Variants in RALGPS1 observed in about 807,000 individuals in gnomAD.
The protein encoded by RALGPS1 is Ral GEF with PH domain and SH3 binding motif 1.
Under a neutral mutation model 78.8 loss-of-function variants are expected in RALGPS1, and 19 were observed. The ratio of observed to expected loss-of-function variants is 0.24; its 90% CI spans 0.17 to 0.35. The LOEUF (loss-of-function observed/expected upper bound fraction) is 0.35, where lower values mean the gene tolerates loss of function less well. Among genes scored for constraint, RALGPS1 ranks in the 10% least tolerant of loss-of-function variants. RALGPS1 has a pLI of 1.00. For synonymous variants in RALGPS1, 228 were observed against 256.3 expected (o/e 0.89, Z 1.06); for missense variants, 454 against 688.3 (o/e 0.66, Z 3.81).
intron 5 of RALGPS1, among the ~76,000 whole-genome samples, chr9:127,043,400 C>CAAAAA (rs34894330): frequency 7.3e-6 from 1 of 136,652 alleles, no homozygotes. Flanking sequence ...TGTGTATATG[C>CAAAAA]AAAAAAAAAA....
chr9:127,203,224 T>C (rs1320846842), intron 14 of RALGPS1, among the ~76,000 whole-genome samples: 1 of 152,262 alleles, frequency 6.6e-6, no homozygotes, highest in African/African-American at 2.4e-5. Flanking sequence ...TGAGTATTTC[T>C]GGTCTCCAGG....
Position 126,962,258 on chromosome 9 carries a change from G to A in RALGPS1, c.-32G>A. On this transcript the variant is annotated 5_prime_UTR_variant, in exon 2 of 19. Transcript: ENST00000259351. The stretch of plus-strand genomic sequence containing the variant: ...CAGACAGGTTATGTTACCTGCAGAG[G>A]CTGCCCTGAAGCTCCCTGTGGCCTG... 1 of 1,613,116 alleles carries A rather than the reference G, an allele frequency of 6.2e-7. No homozygotes were observed. Among genetic ancestry groups the A allele is most frequent in the Non-Finnish European group, 8.5e-7 (1 of 1,179,216 alleles).
chr9:127,007,967 G>A (rs1010094059), intron 4 of RALGPS1, among the ~76,000 whole-genome samples: 7 of 152,150 alleles, frequency 4.6e-5, no homozygotes, highest in Admixed American at 1.3e-4. Context: ...GGTGAAAGAC[G>A]ATGTGGTCTG....
intron 1 of RALGPS1, among the ~76,000 whole-genome samples, chr9:126,932,163 C>A (rs191197812): frequency 1.3e-5 from 2 of 152,258 alleles, no homozygotes; most frequent in East Asian, 3.9e-4. Context: ...GTCTCCCTGT[C>A]CTCATCTTGA....
At chr9:127,216,364 C>T (rs1715669060) in intron 18 of RALGPS1, among the ~76,000 whole-genome samples, 1 of 152,230 alleles carries the variant, frequency 6.6e-6, no homozygotes, top group Non-Finnish European at 1.5e-5. Flanking sequence ...TCCCTTGACT[C>T]ACCCATCTGA....
In RALGPS1 at chr9:127,069,277, G is replaced by A; in HGVS notation, c.531G>A (p.Leu177=). ...CTACCTTTGAGAAATTGGACTACCT[G>A]ATGTCGAAAGAAGATAATTACAAGC... ...DKTTFEKLDY[L]MSKEDNYKRT... is the part of the protein sequence containing the mutation. Residue 177 remains leucine (L), a synonymous_variant, in exon 8 of 19, where the codon CTG becomes CTA. Coordinates refer to ENST00000259351, the MANE Select transcript of RALGPS1 (RefSeq NM_014636.3). The A allele has an allele frequency of 6.2e-7, 1 of 1,612,962 alleles. No individual in the cohort carries two copies. Among genetic ancestry groups the A allele is most frequent in the Non-Finnish European group, 8.5e-7 (1 of 1,178,918 alleles).
At chr9:127,060,299 G>T (rs1564505254) in intron 7 of RALGPS1, among the ~76,000 whole-genome samples, 1 of 152,156 alleles carries the variant, frequency 6.6e-6, no homozygotes, top group Non-Finnish European at 1.5e-5. Flanking sequence ...GCAGCGAAGG[G>T]ATCTGAATAC....
At chr9:127,068,187 CT>C (rs1327309593) in intron 7 of RALGPS1, among the ~76,000 whole-genome samples, 1 of 152,164 alleles carries the variant, frequency 6.6e-6, no homozygotes, top group African/African-American at 2.4e-5. Context: ...AGAAGGTTAT[CT>C]TCTTTTGATT....
intron 1 of RALGPS1, among the ~76,000 whole-genome samples, chr9:126,921,246 AC>A (rs2034719429): frequency 6.6e-6 from 1 of 152,208 alleles, no homozygotes; most frequent in Non-Finnish European, 1.5e-5. Context: ...CTCTGAAGTC[AC>A]CAAGCGCTCA....
intron 7 of RALGPS1, among the ~76,000 whole-genome samples, chr9:127,055,008 AGAGAGAGAGAGAGAGAGAGAGAG>A (rs2048609205): frequency 2.1e-5 from 1 of 47,190 alleles, no homozygotes. Flanking sequence ...AGAGAGAGAG[AGAGAGAGAGAGAGAGAGAGAGAG>A]AGAGAGAGAA....
chr9:127,065,683 C>T (rs757610692), intron 7 of RALGPS1, among the ~76,000 whole-genome samples: 2 of 152,002 alleles, frequency 1.3e-5, no homozygotes, highest in African/African-American at 2.4e-5. Context: ...TTAATCAAGC[C>T]TTCTTTTTCT....
chr9:127,212,370 C>A lies in RALGPS1; in HGVS notation c.1353+134C>A. The A allele has an allele frequency of 1.4e-6, 1 of 711,012 alleles. No homozygotes were observed. The highest frequency in any genetic ancestry group is 2.3e-6 in the Non-Finnish European group (1 of 433,034). 44.0% of individuals were successfully genotyped at this position (711,012 alleles called of 1,614,324 possible). On this transcript the variant is annotated intron_variant, in intron 15 of 18. Coordinates refer to ENST00000259351, the MANE Select transcript of RALGPS1 (RefSeq NM_014636.3). The surrounding 1 kb of genome is among the most constrained non-coding windows in gnomAD (Gnocchi z 6.0). ...TGCAGTGGGCATGCAGCGAGCTGAA[C>A]TCTCAGGAATTATACCTGACACTGC...
chr9:127,203,439 G>A (rs1038417169), intron 14 of RALGPS1, among the ~76,000 whole-genome samples: 4 of 152,180 alleles, frequency 2.6e-5, no homozygotes, highest in Non-Finnish European at 5.9e-5. Context: ...TCCCCTGGTC[G>A]GAATCACCTG....
chr9:127,081,131 C>T (rs1477791489), intron 8 of RALGPS1, among the ~76,000 whole-genome samples: 1 of 152,248 alleles, frequency 6.6e-6, no homozygotes, highest in Non-Finnish European at 1.5e-5. Context: ...TATATTTCTG[C>T]AAACAGGATA....
At chr9:127,106,064 T>C (rs2054189001) in intron 8 of RALGPS1, among the ~76,000 whole-genome samples, 1 of 152,212 alleles carries the variant, frequency 6.6e-6, no homozygotes, top group Non-Finnish European at 1.5e-5. Context: ...AGAGCATGGA[T>C]GCAAACCCAG....
At chr9:127,033,909 G>C (rs1360855911) in intron 4 of RALGPS1, among the ~76,000 whole-genome samples, 1 of 152,176 alleles carries the variant, frequency 6.6e-6, no homozygotes, top group Non-Finnish European at 1.5e-5. Context: ...TTATATGAGG[G>C]ATTGGAGGGG....
At chr9:126,982,784 C>CTCG (rs1377735225) in intron 4 of RALGPS1, among the ~76,000 whole-genome samples, 3 of 149,424 alleles carry the variant, frequency 2.0e-5, no homozygotes, top group Non-Finnish European at 4.4e-5. Flanking sequence ...CTTCTTCTTC[C>CTCG]TCTTCTTCTT....
chr9:126,957,118 CG>C (rs918811979), intron 1 of RALGPS1, among the ~76,000 whole-genome samples: 3 of 152,324 alleles, frequency 2.0e-5, no homozygotes, highest in Admixed American at 6.5e-5. Flanking sequence ...GATGCTTAGC[CG>C]GGTGCCTTGC....
At chr9:126,997,271 T>C (rs1474094417) in intron 4 of RALGPS1, among the ~76,000 whole-genome samples, 1 of 152,130 alleles carries the variant, frequency 6.6e-6, no homozygotes, top group African/African-American at 2.4e-5. Flanking sequence ...TGATTGTATA[T>C]CTAGAAAACC....
Sources: allele counts gnomAD v4.1 joint callset (sites outside exome capture counted in the v4.1 genomes callset), GRCh38; gene constraint gnomAD v4.1.1; non-coding constraint Gnocchi (gnomAD v3.1); transcripts MANE v1.5; gene names NCBI Gene and HGNC (gene_info 2026-07-23, HGNC 2026-07-21).